The following DSCAML1 variants were observed in gnomAD, a reference collection of about 807,000 sequenced individuals.
The protein encoded by DSCAML1 is cell adhesion molecule DSCAML1.
DSCAML1 carries 38 observed loss-of-function variants against 200.5 expected under a neutral mutation model. The ratio of observed to expected loss-of-function variants is 0.19; its 90% CI spans 0.15 to 0.25. DSCAML1 has a LOEUF of 0.25. Among genes scored for constraint, DSCAML1 ranks in the 10% least tolerant of loss-of-function variants. The pLI is 1.00. For synonymous variants in DSCAML1, 1,215 were observed against 1,165.0 expected (o/e 1.04, Z -0.87); for missense variants, 2,223 against 2,858.8 (o/e 0.78, Z 5.07).
chr11:117,780,853 TAAC>T lies in DSCAML1; in HGVS notation c.47-46_47-44del. The T allele has an allele frequency of 7.2e-7, 1 of 1,379,852 alleles. No homozygotes were observed. Among genetic ancestry groups the T allele is most frequent in the Non-Finnish European group, 9.4e-7 (1 of 1,066,796 alleles). 85.5% of individuals were successfully genotyped at this position (1,379,852 alleles called of 1,614,324 possible). ...GGAGAGACTTGGTTAGCATGGGCTCTAACAATACCCATATAAGCCACGGAGGCT... is the reference window on the plus strand; with the variant it reads ...GGAGAGACTTGGTTAGCATGGGCTCTAATACCCATATAAGCCACGGAGGCT... On this transcript the variant is annotated intron_variant, in intron 1 of 32. Coordinates refer to ENST00000651296, the MANE Select transcript of DSCAML1 (RefSeq NM_020693.4). This position sits in a 1 kb window ranked among gnomAD's most constrained non-coding sequence, Gnocchi z 4.8.
chr11:117,602,406 G>A lies in DSCAML1; in HGVS notation c.512-69884C>T, dbSNP rs141870891. 1.8e-3 allele frequency among the ~76,000 whole-genome samples: 278 copies of A among 152,256 alleles called. 2 individuals are homozygous for A. The highest frequency in any genetic ancestry group is 0.014 in the East Asian group (73 of 5,176). ...GACTGGGTCTCACTGTGTCACCCAC[G>A]CTGCAGTGCAAAGGTGCAATCTCAG... On this transcript the variant is annotated intron_variant, in intron 3 of 32. Transcript: ENST00000651296.
At chr11:117,597,541 C>T (rs954907259) in intron 3 of DSCAML1, among the ~76,000 whole-genome samples, 5 of 152,208 alleles carry the variant, frequency 3.3e-5, no homozygotes, top group Admixed American at 6.5e-5. Context: ...CTCCACCCCC[C>T]AGGTTCAAGC....
rs1057087257 is a variant in DSCAML1 at position 117,549,688 on chromosome 11, C to T, written c.512-17166G>A. Among the ~76,000 whole-genome samples, 79 of 152,210 alleles carry T rather than the reference C, an allele frequency of 5.2e-4. 1 individual carries two copies. Among genetic ancestry groups the T allele is most frequent in the Admixed American group, 4.9e-3 (75 of 15,288 alleles). On this transcript the variant is annotated intron_variant, in intron 3 of 32. Coordinates refer to ENST00000651296, the MANE Select transcript of DSCAML1 (RefSeq NM_020693.4). Reference sequence around the variant, plus strand: ...ATCCAACGTCTACATCGGTACACTCCGGAGCTTGGAGTGACTGCTGGGCCA... The same window carrying T: ...ATCCAACGTCTACATCGGTACACTCTGGAGCTTGGAGTGACTGCTGGGCCA...
At chr11:117,625,129 C>T (rs1008855422) in intron 3 of DSCAML1, among the ~76,000 whole-genome samples, 2 of 152,006 alleles carry the variant, frequency 1.3e-5, no homozygotes, top group Non-Finnish European at 2.9e-5. Context: ...TGCTTCACCC[C>T]TAGTCTCTAC....
At chr11:117,777,189 C>T (rs1011142929) in intron 2 of DSCAML1, among the ~76,000 whole-genome samples, 4 of 152,214 alleles carry the variant, frequency 2.6e-5, no homozygotes, top group Non-Finnish European at 5.9e-5. Flanking sequence ...AATATCTGGC[C>T]TCCCTCTGCA....
At position 117,504,193 on chromosome 11, in the gene DSCAML1, A is replaced by AC. The variant is rs1244712229; in HGVS notation, c.2183-173dup. Among the ~76,000 whole-genome samples, 9 of 151,172 alleles carry AC rather than the reference A, an allele frequency of 6.0e-5. No individual in the cohort carries two copies. Among genetic ancestry groups the AC allele is most frequent in the Non-Finnish European group, 1.0e-4 (7 of 67,826 alleles). ...TGGCTCCTGGTGGGCAACAGGAAAG[A>AC]CCCCCCCACCAGAGGACTGGCCTTG... On this transcript the variant is annotated intron_variant, in intron 10 of 32. Transcript: ENST00000651296. This position sits in a 1 kb window ranked among gnomAD's most constrained non-coding sequence, Gnocchi z 5.0.
intron 1 of DSCAML1, among the ~76,000 whole-genome samples, chr11:117,792,171 T>C (rs2055479053): frequency 1.3e-5 from 2 of 152,168 alleles, no homozygotes; most frequent in Non-Finnish European, 2.9e-5. Context: ...AGGCTCCACC[T>C]CACCCCTTAG....
intron 19 of DSCAML1, 54 bp from the exon 20 acceptor site, chr11:117,450,742 G>T: frequency 1.3e-6 from 2 of 1,580,836 alleles, no homozygotes; most frequent in African/African-American, 1.3e-5. Flanking sequence ...ACAGCCTTTG[G>T]GGAAAATGAC....
chr11:117,803,400 T>A (rs899629812), intron 1 of DSCAML1, among the ~76,000 whole-genome samples: 5 of 152,236 alleles, frequency 3.3e-5, no homozygotes, highest in African/African-American at 1.2e-4. Flanking sequence ...TGTCAGTTAA[T>A]ACAAATATTA....
rs145393294 is a variant in DSCAML1 at position 117,753,791 on chromosome 11, A to G, written c.511+23000T>C. On this transcript the variant is annotated intron_variant, in intron 3 of 32. Coordinates refer to ENST00000651296, the MANE Select transcript of DSCAML1 (RefSeq NM_020693.4). Reference sequence around the variant, plus strand: ...GCTGTCACTCACGCTGCATGTTGCCAGAACCTAGAAAGGAGGCCAGAGAGA... The same window carrying G: ...GCTGTCACTCACGCTGCATGTTGCCGGAACCTAGAAAGGAGGCCAGAGAGA... Among the ~76,000 whole-genome samples the G allele has an allele frequency of 8.4e-4, 128 of 152,348 alleles. 2 individuals are homozygous for G. The East Asian group carries it at 0.022, about 26-fold the overall frequency.
In DSCAML1 at chr11:117,507,784, G is replaced by C. The variant is rs113999140; in HGVS notation, c.1784-2052C>G. 7.2e-3 allele frequency among the ~76,000 whole-genome samples: 1,094 copies of C among 152,238 alleles called. 13 individuals are homozygous for C. The highest frequency in any genetic ancestry group is 0.025 in the African/African-American group (1,043 of 41,536). ...ATCCACCTTATTCCAGATCCACCTG[G>C]AACCTAAATCCCAGCCAGCTTTTCC... On this transcript the variant is annotated intron_variant, in intron 8 of 32. Transcript: ENST00000651296.
chr11:117,709,605 T>C, intron 3 of DSCAML1: 1 of 429,974 alleles, frequency 2.3e-6, no homozygotes, highest in Non-Finnish European at 4.6e-6. Flanking sequence ...GGCTATTTAT[T>C]TCCCCCATTG....
chr11:117,748,477 C>T (rs928055092), intron 3 of DSCAML1, among the ~76,000 whole-genome samples: 3 of 152,238 alleles, frequency 2.0e-5, no homozygotes, highest in Admixed American at 6.5e-5. Flanking sequence ...TTCCCACCTT[C>T]AGCCACACAG....
chr11:117,621,195 C>T (rs912627904), intron 3 of DSCAML1, among the ~76,000 whole-genome samples: 1 of 152,228 alleles, frequency 6.6e-6, no homozygotes, highest in Non-Finnish European at 1.5e-5. Flanking sequence ...CTACCACTTA[C>T]TAGCTGTGCA....
chr11:117,790,470 A>G (rs908813505), intron 1 of DSCAML1, among the ~76,000 whole-genome samples: 1 of 152,208 alleles, frequency 6.6e-6, no homozygotes, highest in Non-Finnish European at 1.5e-5. Context: ...AAAATTCTCC[A>G]TATGTTGGGG....
At chr11:117,695,315 C>CTTTTTTTTTTTTTTTTTTTTTTTTTTTT (rs753748981) in intron 3 of DSCAML1, among the ~76,000 whole-genome samples, 16 of 116,690 alleles carry the variant, frequency 1.4e-4, no homozygotes, top group African/African-American at 2.6e-4. Flanking sequence ...CTTTCTTTTT[C>CTTTTTTTTTTTTTTTTTTTTTTTTTTTT]TTTTTTTTTT....
intron 3 of DSCAML1, among the ~76,000 whole-genome samples, chr11:117,773,495 T>A (rs1345316971): frequency 5.4e-5 from 8 of 146,974 alleles, no homozygotes; most frequent in African/African-American, 2.0e-4. Flanking sequence ...TCCCCTACCA[T>A]GAGAAGTGCC....
rs1001491749 is a variant in DSCAML1, at chr11:117,498,977, G to A, written c.2359+4868C>T. On this transcript the variant is annotated intron_variant, in intron 11 of 32. Coordinates refer to ENST00000651296, the MANE Select transcript of DSCAML1 (RefSeq NM_020693.4). This position sits in a 1 kb window ranked among gnomAD's most constrained non-coding sequence, Gnocchi z 4.0. Reference sequence around the variant, plus strand: ...GAGTCTGGGAGGTCCAACGAGACCTGTCTAATAAGGTCACCTGCTGGATAA... The same window carrying A: ...GAGTCTGGGAGGTCCAACGAGACCTATCTAATAAGGTCACCTGCTGGATAA... Among the ~76,000 whole-genome samples, 1 of 152,172 alleles carries A rather than the reference G, an allele frequency of 6.6e-6. No homozygotes were observed. The highest frequency in any genetic ancestry group is 2.1e-4 in the South Asian group (1 of 4,826).
chr11:117,447,382 A>G (rs888975265), intron 20 of DSCAML1, among the ~76,000 whole-genome samples: 1 of 151,974 alleles, frequency 6.6e-6, no homozygotes, highest in African/African-American at 2.4e-5. Flanking sequence ...TACGTTATGT[A>G]TAATATTATT....
Sources: gnomAD v4.1 joint callset for allele counts (sites outside exome capture counted in the v4.1 genomes callset) on GRCh38, gnomAD v4.1.1 for gene constraint, Gnocchi (gnomAD v3.1) non-coding constraint, MANE v1.5 for transcripts, NCBI Gene and HGNC (gene_info 2026-07-23, HGNC 2026-07-21) for gene names.